The following RBFOX1 variants were observed in gnomAD, a reference collection of about 807,000 sequenced individuals.
The protein encoded by RBFOX1 is RNA binding fox-1 homolog 1.
A neutral mutation model predicts 57.7 loss-of-function variants in RBFOX1; 8 were observed. That is an observed-to-expected ratio of 0.14 (90% CI 0.08 to 0.25). The LOEUF (loss-of-function observed/expected upper bound fraction) is 0.25. RBFOX1 is among the 10% of genes least tolerant of loss of function. The probability of loss-of-function intolerance (pLI) is 1.00; values close to 1 mark genes in which losing one functional copy is unlikely to be tolerated. For missense variants in RBFOX1, 611 were observed against 548.5 expected (o/e 1.11, Z -1.14); for synonymous variants, 326 against 222.4 (o/e 1.47, Z -4.15).
chr16:6,676,612 G>C (rs2057737759), intron 3 of RBFOX1, among the ~76,000 whole-genome samples: 1 of 151,468 alleles, frequency 6.6e-6, no homozygotes, highest in African/African-American at 2.4e-5. Flanking sequence ...AAGGATACCA[G>C]GAGCCTTTAC....
At chr16:6,737,087 A>G (rs1336471714) in intron 3 of RBFOX1, among the ~76,000 whole-genome samples, 2 of 152,170 alleles carry the variant, frequency 1.3e-5, no homozygotes, top group Non-Finnish European at 2.9e-5. Context: ...GCAGTGAAAA[A>G]TCAGTTCTGA....
rs1491171814 is a variant in RBFOX1, at chr16:6,431,888, G to GCTTT, written c.-64+114834_-64+114835insTCTT. Among the ~76,000 whole-genome samples, 462 of 109,758 alleles carry GCTTT rather than the reference G, an allele frequency of 4.2e-3. 3 individuals carry two copies. The highest frequency in any genetic ancestry group is 9.1e-3 in the African/African-American group (247 of 27,066). The allele number at this position is 109,758 out of a possible 152,430, so 72.0% of individuals were successfully genotyped here. A position where few individuals can be genotyped will look rare whatever the true frequency, so the allele number is the denominator to read the frequency against. ...TATGAACATGTCCAGAAATATGCTT[G>GCTTT]CTTGCTTGCTTTCTTTCTTTCTTTC... On this transcript the variant is annotated intron_variant, in intron 2 of 15. Transcript: ENST00000550418.
At chr16:7,207,277 C>A (rs1380296651) in intron 4 of RBFOX1, among the ~76,000 whole-genome samples, 1 of 152,148 alleles carries the variant, frequency 6.6e-6, no homozygotes, top group African/African-American at 2.4e-5. Context: ...CGTTCCGGCC[C>A]TTCATTCTGC....
chr16:6,969,116 A>G (rs1278656734), intron 3 of RBFOX1, among the ~76,000 whole-genome samples: 7 of 152,254 alleles, frequency 4.6e-5, no homozygotes, highest in Middle Eastern at 3.4e-3. Context: ...GGTTAAGAGT[A>G]CTGCGTGTGA....
At chr16:5,829,323 A>G (rs112626209) in intron 3 of RBFOX1, among the ~76,000 whole-genome samples, 1 of 152,200 alleles carries the variant, frequency 6.6e-6, no homozygotes, top group Non-Finnish European at 1.5e-5. Context: ...GAGTCACATG[A>G]TGAGCTATGC....
intron 4 of RBFOX1, among the ~76,000 whole-genome samples, chr16:7,145,623 G>C (rs940913262): frequency 2.0e-5 from 3 of 152,072 alleles, no homozygotes; most frequent in African/African-American, 7.2e-5. Flanking sequence ...GTTAGTGGGG[G>C]TATTTAGGAA....
chr16:6,186,663 G>C (rs2097107397), intron 1 of RBFOX1, among the ~76,000 whole-genome samples: 1 of 152,158 alleles, frequency 6.6e-6, no homozygotes, highest in African/African-American at 2.4e-5. Flanking sequence ...TTAGTGTGAG[G>C]AAAGACTGAA....
At chr16:7,492,679 TGG>T (rs2067300031) in intron 4 of RBFOX1, among the ~76,000 whole-genome samples, 1 of 152,064 alleles carries the variant, frequency 6.6e-6, no homozygotes, top group Non-Finnish European at 1.5e-5. Flanking sequence ...TTTTTATGAG[TGG>T]TTTAGTGCCA....
intron 4 of RBFOX1, chr16:7,332,961 A>G (rs548917553): frequency 1.2e-6 from 2 of 1,612,636 alleles, no homozygotes; most frequent in South Asian, 2.2e-5. Flanking sequence ...CTCTCCATTG[A>G]TGTGTTGAGC....
chr16:5,305,490 TAA>T (rs1273277299), intron 1 of RBFOX1, among the ~76,000 whole-genome samples: 2 of 152,224 alleles, frequency 1.3e-5, no homozygotes, highest in African/African-American at 4.8e-5. Context: ...TTGACTTCTT[TAA>T]AGACCATGTT....
chr16:5,609,073 T>A (rs901932230), intron 3 of RBFOX1, among the ~76,000 whole-genome samples: 1 of 152,170 alleles, frequency 6.6e-6, no homozygotes, highest in African/African-American at 2.4e-5. Context: ...AGCAAATACA[T>A]CTCTGTAAGG....
intron 14 of RBFOX1, among the ~76,000 whole-genome samples, chr16:7,702,859 G>C (rs938763819): frequency 1.3e-5 from 2 of 151,888 alleles, no homozygotes; most frequent in African/African-American, 2.4e-5. Context: ...TTTTCATTTG[G>C]AAAAGTCCTC....
chr16:6,302,112 C>T (rs1413314301), intron 1 of RBFOX1, among the ~76,000 whole-genome samples: 1 of 152,106 alleles, frequency 6.6e-6, no homozygotes, highest in Non-Finnish European at 1.5e-5. Context: ...GCTTCATCCA[C>T]AATGTTTATT....
intron 1 of RBFOX1, among the ~76,000 whole-genome samples, chr16:6,255,459 C>T (rs1055234399): frequency 6.6e-6 from 1 of 152,076 alleles, no homozygotes; most frequent in African/African-American, 2.4e-5. Context: ...AGCTGTAGCT[C>T]TGGTGAGAAT....
intron 3 of RBFOX1, among the ~76,000 whole-genome samples, chr16:5,850,855 C>T (rs1278550518): frequency 6.6e-6 from 1 of 152,216 alleles, no homozygotes; most frequent in Non-Finnish European, 1.5e-5. Flanking sequence ...GGCAGGGAGA[C>T]AGGCAGCTCA....
At chr16:5,509,724 C>A (rs1384466141) in intron 2 of RBFOX1, among the ~76,000 whole-genome samples, 1 of 152,144 alleles carries the variant, frequency 6.6e-6, no homozygotes, top group South Asian at 2.1e-4. Flanking sequence ...GCTTTCGGGG[C>A]TTGGGCCAGG....
chr16:7,709,165 C>T (rs1458468035), intron 15 of RBFOX1, 34 bp downstream of exon 15: 2 of 1,558,296 alleles, frequency 1.3e-6, no homozygotes, highest in African/African-American at 2.7e-5. Flanking sequence ...CTCACTTCCT[C>T]CTGCCTCCCT....
At chr16:7,212,693 G>C (rs938495984) in intron 4 of RBFOX1, among the ~76,000 whole-genome samples, 1 of 152,092 alleles carries the variant, frequency 6.6e-6, no homozygotes, top group Admixed American at 6.6e-5. Flanking sequence ...AATAACTTAC[G>C]CTACATGAGG....
chr16:6,905,526 C>T (rs942472874), intron 3 of RBFOX1, among the ~76,000 whole-genome samples: 7 of 148,830 alleles, frequency 4.7e-5, no homozygotes, highest in South Asian at 2.1e-4. Context: ...GCACTCTAGC[C>T]TAGGGGACAG....
Sources: gnomAD v4.1 joint callset for allele counts (sites outside exome capture counted in the v4.1 genomes callset) on GRCh38, gnomAD v4.1.1 for gene constraint, MANE v1.5 for transcripts, NCBI Gene and HGNC (gene_info 2026-07-23, HGNC 2026-07-21) for gene names.